SORCS1: variants seen among roughly 807,000 people sequenced by gnomAD.
SORCS1 encodes sortilin related VPS10 domain containing receptor 1.
In SORCS1, 60 loss-of-function variants were observed where a neutral mutation model predicts 146.1. The observed-to-expected ratio is 0.41, with a 90% confidence interval of 0.33 to 0.51. The LOEUF is 0.51. SORCS1 is among the 20% of genes least tolerant of loss of function. The probability of loss-of-function intolerance (pLI) is 0.21; values close to 1 mark genes in which losing one functional copy is unlikely to be tolerated. For missense variants in SORCS1, 1,352 were observed against 1,487.6 expected (o/e 0.91, Z 1.50); for synonymous variants, 637 against 584.0 (o/e 1.09, Z -1.31).
Position 106,779,545 on chromosome 10 carries a change from A to ATTTT in SORCS1, c.727-2854_727-2853insAAAA, listed in dbSNP as rs1491495992. On this transcript the variant is annotated intron_variant, in intron 3 of 25. Transcript: ENST00000263054. ...TCTTTTAAGTTTGACATTATGGCCC[A>ATTTT]TATTTTTTTTTTTTTTTTTTTTGAG... is the stretch of plus-strand genomic sequence containing the variant. 6.9e-5 allele frequency among the ~76,000 whole-genome samples: 8 copies of ATTTT among 116,732 alleles called. 1 individual carries two copies. Among genetic ancestry groups the ATTTT allele is most frequent in the Non-Finnish European group, 9.3e-5 (5 of 53,930 alleles). 76.6% of individuals were successfully genotyped at this position (116,732 alleles called of 152,430 possible).
chr10:107,040,698 G>A (rs1289907795), intron 1 of SORCS1, among the ~76,000 whole-genome samples: 2 of 152,142 alleles, frequency 1.3e-5, no homozygotes, highest in Non-Finnish European at 2.9e-5. Context: ...GTTGTTGTAA[G>A]GATTACATAA....
intron 8 of SORCS1, 53 bp from the exon 9 acceptor site, chr10:106,699,446 C>A (rs1172575272): frequency 4.0e-6 from 6 of 1,496,756 alleles, no homozygotes; most frequent in East Asian, 2.4e-5. Flanking sequence ...ATACATTAAC[C>A]TGGCAGGCAT....
At chr10:106,585,896 G>A (rs1248553832) in intron 24 of SORCS1, among the ~76,000 whole-genome samples, 1 of 152,186 alleles carries the variant, frequency 6.6e-6, no homozygotes, top group Admixed American at 6.5e-5. Flanking sequence ...CAGCCTGCAG[G>A]CAGCTGACCC....
chr10:106,577,911 T>C (rs985239075), intron 25 of SORCS1: 4 of 187,910 alleles, frequency 2.1e-5, no homozygotes. Flanking sequence ...GCAGTTGTTA[T>C]CATTATCTAT....
chr10:106,707,361 G>A (rs1455420520), intron 7 of SORCS1, among the ~76,000 whole-genome samples: 1 of 151,784 alleles, frequency 6.6e-6, no homozygotes, highest in Non-Finnish European at 1.5e-5. Context: ...GCTATGTTTT[G>A]TATTCTTTTA....
chr10:107,127,545 G>T (rs1185330356), intron 1 of SORCS1, among the ~76,000 whole-genome samples: 2 of 152,096 alleles, frequency 1.3e-5, no homozygotes, highest in Non-Finnish European at 2.9e-5. Flanking sequence ...TAGGACAGCA[G>T]GGAAATGGGA....
intron 6 of SORCS1, among the ~76,000 whole-genome samples, chr10:106,726,123 T>TTTG (rs886814083): frequency 3.3e-5 from 5 of 150,918 alleles, no homozygotes; most frequent in African/African-American, 4.9e-5. Flanking sequence ...CTCTGTTTAT[T>TTTG]TTGTTGTTGT....
chr10:106,879,503 G>C (rs1465895596), intron 2 of SORCS1, among the ~76,000 whole-genome samples: 1 of 152,170 alleles, frequency 6.6e-6, no homozygotes, highest in East Asian at 1.9e-4. Context: ...CTTCCCTAAT[G>C]AATAGGTTAG....
intron 1 of SORCS1, among the ~76,000 whole-genome samples, chr10:106,958,011 A>G (rs764935): frequency 0.02 from 3,088 of 152,308 alleles, 32 homozygotes; most frequent in South Asian, 0.053. Flanking sequence ...ACCCCTTCTC[A>G]GTCACACCAA....
At chr10:106,673,636 C>A (rs1490322381) in intron 14 of SORCS1, among the ~76,000 whole-genome samples, 1 of 152,146 alleles carries the variant, frequency 6.6e-6, no homozygotes, top group Non-Finnish European at 1.5e-5. Flanking sequence ...ATGCTGTATT[C>A]TATGTGGTCC....
At chr10:106,927,472 G>A (rs781028772) in intron 2 of SORCS1, among the ~76,000 whole-genome samples, 1 of 152,154 alleles carries the variant, frequency 6.6e-6, no homozygotes, top group Non-Finnish European at 1.5e-5. Context: ...AGAGTGAGCA[G>A]CAGCAAGACT....
chr10:106,806,586 G>A lies in SORCS1; in HGVS notation c.726+22988C>T, dbSNP rs112639083. On this transcript the variant is annotated intron_variant, in intron 3 of 25. Transcript: ENST00000263054. ...GCTGGAGTGCAGTGGCATGATCTCC[G>A]GTCACTGCAAGCTCTGCCTCCCGGG... Among the ~76,000 whole-genome samples the A allele has an allele frequency of 3.4e-3, 424 of 125,856 alleles. 5 individuals carry two copies. The highest frequency in any genetic ancestry group is 0.012 in the African/African-American group (402 of 32,736). The allele number at this position is 125,856 out of a possible 152,430, so 82.6% of individuals were successfully genotyped here.
chr10:106,867,445 C>T (rs1019404195), intron 2 of SORCS1, among the ~76,000 whole-genome samples: 2 of 152,052 alleles, frequency 1.3e-5, no homozygotes, highest in South Asian at 2.1e-4. Context: ...CCACCACGCC[C>T]GGCTAATTTC....
chr10:107,089,237 T>A (rs906404717), intron 1 of SORCS1, among the ~76,000 whole-genome samples: 1 of 152,178 alleles, frequency 6.6e-6, no homozygotes, highest in South Asian at 2.1e-4. Flanking sequence ...AAAAGTTAAA[T>A]CCAATGTTTT....
At position 106,768,566 on chromosome 10, in the gene SORCS1, G is replaced by T. The variant is rs1170495701; in HGVS notation, c.886-6905C>A. Among the ~76,000 whole-genome samples the T allele has an allele frequency of 2.0e-5, 3 of 152,156 alleles. No homozygotes were observed. In the East Asian group the frequency reaches 5.8e-4, roughly 29 times the overall value. ...AAGATAAATACTTTAATATTTAATG[G>T]TTTTCTATTGTTATAATCAATAATA... is the stretch of plus-strand genomic sequence containing the variant. On this transcript the variant is annotated intron_variant, in intron 4 of 25. Transcript: ENST00000263054.
intron 1 of SORCS1, 118 bp from the exon 2 acceptor site, chr10:106,956,698 T>C: frequency 4.7e-6 from 4 of 845,292 alleles, no homozygotes; most frequent in Non-Finnish European, 7.5e-6. Context: ...ATTGAATGAA[T>C]TGTTACAGCA....
chr10:107,059,057 T>A (rs1014334764), intron 1 of SORCS1, among the ~76,000 whole-genome samples: 16 of 152,208 alleles, frequency 1.1e-4, no homozygotes, highest in African/African-American at 3.9e-4. Context: ...AATAAGTAAT[T>A]TTTATATTTT....
intron 9 of SORCS1, among the ~76,000 whole-genome samples, chr10:106,694,314 G>A (rs1374656578): frequency 1.3e-5 from 2 of 152,196 alleles, no homozygotes; most frequent in African/African-American, 4.8e-5. Context: ...CTGTCGCCCA[G>A]GCTGGCACCA....
chr10:106,888,584 A>G (rs189601704), intron 2 of SORCS1, among the ~76,000 whole-genome samples: 3 of 152,360 alleles, frequency 2.0e-5, no homozygotes, highest in East Asian at 3.9e-4. Flanking sequence ...GTTACATTAC[A>G]TAAAATGAGG....
Sources: allele counts gnomAD v4.1 joint callset (sites outside exome capture counted in the v4.1 genomes callset), GRCh38; gene constraint gnomAD v4.1.1; transcripts MANE v1.5; gene names NCBI Gene and HGNC (gene_info 2026-07-23, HGNC 2026-07-21).